AGBL1: variants seen among roughly 807,000 people sequenced by gnomAD.
AGBL1 encodes the protein AGBL carboxypeptidase 1.
Under a neutral mutation model 118.9 loss-of-function variants are expected in AGBL1, and 130 were observed. The observed-to-expected ratio is 1.09, with a 90% CI of 0.95 to 1.26. The LOEUF (loss-of-function observed/expected upper bound fraction) is 1.26, where lower values mean the gene tolerates loss of function less well. Ranked by LOEUF, AGBL1 falls within the 50% of genes most tolerant of loss-of-function variation. The pLI is 0.00. For missense variants in AGBL1, 1,584 were observed against 1,298.1 expected, an observed-to-expected ratio of 1.22 and a Z score of -3.38; for synonymous variants, 555 against 478.9, an observed-to-expected ratio of 1.16 and a Z score of -2.08.
chr15:86,665,764 A>AT (rs200427129), intron 21 of AGBL1, among the ~76,000 whole-genome samples: 32 of 150,114 alleles, frequency 2.1e-4, no homozygotes, highest in Admixed American at 1.0e-3. Context: ...AATCAAAATA[A>AT]ATTTTTTTTT....
chr15:86,560,679 G>A (rs1245741081), intron 21 of AGBL1, among the ~76,000 whole-genome samples: 1 of 152,154 alleles, frequency 6.6e-6, no homozygotes, highest in African/African-American at 2.4e-5. Flanking sequence ...TGAGTCAAAT[G>A]GCATTTCTAG....
chr15:86,902,963 G>T (rs1311444877), intron 22 of AGBL1, among the ~76,000 whole-genome samples: 1 of 152,056 alleles, frequency 6.6e-6, no homozygotes, highest in East Asian at 1.9e-4. Context: ...CATAGTTTAG[G>T]ACATTTTCAG....
chr15:86,590,952 CAG>C (rs2084325663), intron 21 of AGBL1, among the ~76,000 whole-genome samples: 1 of 152,152 alleles, frequency 6.6e-6, no homozygotes, highest in Non-Finnish European at 1.5e-5. Context: ...TTGTCTAATC[CAG>C]AGTTTGTGTT....
At chr15:86,130,710 AT>A (rs1435461544) in intron 1 of AGBL1, among the ~76,000 whole-genome samples, 1 of 152,096 alleles carries the variant, frequency 6.6e-6, no homozygotes, top group African/African-American at 2.4e-5. Flanking sequence ...TAGAAACAAG[AT>A]TTTCAATGCT....
chr15:86,210,127 A>G (rs1211068140), intron 5 of AGBL1, among the ~76,000 whole-genome samples: 1 of 152,204 alleles, frequency 6.6e-6, no homozygotes, highest in Non-Finnish European at 1.5e-5. Flanking sequence ...TTCTTTAAGA[A>G]TGTTGAATAT....
chr15:86,683,226 T>C (rs148814413), intron 22 of AGBL1, among the ~76,000 whole-genome samples: 51 of 152,298 alleles, frequency 3.3e-4, no homozygotes, highest in African/African-American at 1.2e-3. Flanking sequence ...TGGGTACATG[T>C]ATATCTGTGT....
At chr15:86,753,351 A>G (rs1424582358) in intron 22 of AGBL1, among the ~76,000 whole-genome samples, 1 of 151,478 alleles carries the variant, frequency 6.6e-6, no homozygotes, top group South Asian at 2.1e-4. Context: ...GGGACACACA[A>G]GAGTAACCTG....
rs896965413 is a variant in AGBL1 at position 86,951,835 on chromosome 15, A to T, written c.3222-36152A>T. ...TCAAGCTCTATTGTTAAGTGTACAC[A>T]TGTTTAGGCCTGCTATGTCTTCTTC... On this transcript the variant is annotated intron_variant, in intron 23 of 24. Coordinates refer to the AGBL1 transcript ENST00000441037. Among the ~76,000 whole-genome samples the T allele has an allele frequency of 2.6e-5, 4 of 152,172 alleles. 1 individual carries two copies. The highest frequency in any genetic ancestry group is 9.7e-5 in the African/African-American group (4 of 41,440).
At chr15:86,327,093 T>C (rs979545377) in intron 17 of AGBL1, among the ~76,000 whole-genome samples, 2 of 152,016 alleles carry the variant, frequency 1.3e-5, no homozygotes, top group Non-Finnish European at 2.9e-5. Context: ...AGGTAAAGGA[T>C]CAGTGGTAAG....
chr15:86,462,593 C>T, intron 18 of AGBL1, among the ~76,000 whole-genome samples: 1 of 152,118 alleles, frequency 6.6e-6, no homozygotes, highest in Non-Finnish European at 1.5e-5. Flanking sequence ...CTTGCCCCCA[C>T]CTCCCAACAG....
intron 17 of AGBL1, among the ~76,000 whole-genome samples, chr15:86,359,813 C>T (rs10220773): frequency 0.48 from 72,189 of 151,462 alleles, 18,480 homozygotes; most frequent in Non-Finnish European, 0.58. Flanking sequence ...ATTCTGTTTG[C>T]TGCTATTATG....
chr15:86,790,424 T>G (rs1030052041), intron 22 of AGBL1, among the ~76,000 whole-genome samples: 3 of 151,824 alleles, frequency 2.0e-5, no homozygotes, highest in Non-Finnish European at 4.4e-5. Flanking sequence ...AAAAAAACTT[T>G]CTCTCCCCAC....
At chr15:86,433,017 T>C (rs988661073) in intron 18 of AGBL1, among the ~76,000 whole-genome samples, 9 of 152,108 alleles carry the variant, frequency 5.9e-5, no homozygotes, top group African/African-American at 2.2e-4. Flanking sequence ...AGCGTGCACA[T>C]TCAAGATGCT....
At chr15:86,313,640 C>T (rs999647066) in intron 17 of AGBL1, among the ~76,000 whole-genome samples, 3 of 152,182 alleles carry the variant, frequency 2.0e-5, no homozygotes, top group Non-Finnish European at 4.4e-5. Context: ...AGCTTAATCT[C>T]ATTAACTGTT....
intron 18 of AGBL1, among the ~76,000 whole-genome samples, chr15:86,459,408 A>G (rs1458548780): frequency 1.3e-5 from 2 of 152,202 alleles, no homozygotes; most frequent in African/African-American, 4.8e-5. Context: ...AGACTGGAAT[A>G]ACAGTACTGC....
At chr15:86,945,731 T>C (rs2080812230) in intron 23 of AGBL1, among the ~76,000 whole-genome samples, 1 of 152,142 alleles carries the variant, frequency 6.6e-6, no homozygotes, top group Non-Finnish European at 1.5e-5. Flanking sequence ...CATTGAATAG[T>C]AGAATGATAT....
intron 22 of AGBL1, among the ~76,000 whole-genome samples, chr15:86,729,637 C>T (rs779918993): frequency 1.1e-4 from 17 of 152,244 alleles, no homozygotes; most frequent in South Asian, 2.1e-4. Flanking sequence ...CATAGTATTC[C>T]CTGGTGCATA....
chr15:86,091,231 G>A (rs780136579), intron 1 of AGBL1, among the ~76,000 whole-genome samples: 1 of 152,132 alleles, frequency 6.6e-6, no homozygotes, highest in East Asian at 1.9e-4. Flanking sequence ...CCTGTGCCAG[G>A]GAGTGGAAAG....
chr15:86,475,794 G>A (rs2082550199), intron 18 of AGBL1, among the ~76,000 whole-genome samples: 1 of 152,156 alleles, frequency 6.6e-6, no homozygotes, highest in Non-Finnish European at 1.5e-5. Context: ...AAGTTGAAAT[G>A]AAGGAAAAAA....
Sources: allele counts gnomAD v4.1 joint callset (sites outside exome capture counted in the v4.1 genomes callset), GRCh38; gene constraint gnomAD v4.1.1; transcripts MANE v1.5; gene names NCBI Gene and HGNC (gene_info 2026-07-23, HGNC 2026-07-21).